TSHZ3: variants seen among roughly 807,000 people sequenced by gnomAD.
TSHZ3 encodes teashirt zinc finger homeobox 3.
Under a neutral mutation model 64.5 loss-of-function variants are expected in TSHZ3, and 10 were observed. The ratio of observed to expected loss-of-function variants is 0.16; its 90% CI spans 0.10 to 0.26. The LOEUF (loss-of-function observed/expected upper bound fraction) is 0.26. Among genes scored for constraint, TSHZ3 ranks in the 10% least tolerant of loss-of-function variants. TSHZ3 has a pLI of 1.00. For missense variants in TSHZ3, 1,242 were observed against 1,421.7 expected (o/e 0.87, Z 2.03); for synonymous variants, 608 against 593.1 (o/e 1.03, Z -0.36).
chr19:31,330,927 C>T (rs1295286298), intron 1 of TSHZ3, among the ~76,000 whole-genome samples: 1 of 152,102 alleles, frequency 6.6e-6, no homozygotes, highest in Admixed American at 6.5e-5. Flanking sequence ...CCCACAGGCA[C>T]GGGCATGTCC....
At chr19:31,155,704 C>T (rs991558243) in intron 6 of TSHZ3, among the ~76,000 whole-genome samples, 2 of 152,144 alleles carry the variant, frequency 1.3e-5, no homozygotes, top group Non-Finnish European at 2.9e-5. Context: ...CCCAAGTTCT[C>T]GCCTTCGTCT....
intron 5 of TSHZ3, among the ~76,000 whole-genome samples, chr19:31,183,204 C>A (rs960373441): frequency 1.3e-5 from 1 of 77,154 alleles, no homozygotes; most frequent in Non-Finnish European, 2.4e-5. Context: ...CTCTCTCTCT[C>A]TCTCTCTCTC....
At chr19:31,232,376 G>C (rs1347284844) in intron 3 of TSHZ3, among the ~76,000 whole-genome samples, 3 of 152,118 alleles carry the variant, frequency 2.0e-5, no homozygotes, top group Admixed American at 6.6e-5. Flanking sequence ...GAAAAGGGAG[G>C]GTGTGTGAGA....
intron 6 of TSHZ3, among the ~76,000 whole-genome samples, chr19:31,152,334 T>C (rs911562148): frequency 1.3e-5 from 2 of 152,034 alleles, no homozygotes; most frequent in Non-Finnish European, 2.9e-5. Flanking sequence ...GGTGCTTCTG[T>C]TTTTTGTCAG....
intron 5 of TSHZ3, among the ~76,000 whole-genome samples, chr19:31,183,223 TCTC>T (rs1974749982): frequency 4.9e-5 from 1 of 20,498 alleles, no homozygotes; most frequent in Non-Finnish European, 1.1e-4. Flanking sequence ...TCTCTCTCTC[TCTC>T]TTTCTCTCTC....
chr19:31,195,867 C>A (rs1599575238), intron 5 of TSHZ3, among the ~76,000 whole-genome samples: 1 of 152,020 alleles, frequency 6.6e-6, no homozygotes, highest in African/African-American at 2.4e-5. Context: ...TGTCTCTTAA[C>A]AATGAGGATA....
At chr19:31,206,426 C>G (rs1377416910) in intron 4 of TSHZ3, among the ~76,000 whole-genome samples, 1 of 152,076 alleles carries the variant, frequency 6.6e-6, no homozygotes, top group East Asian at 1.9e-4. Context: ...CAAGTACCAA[C>G]ATAGGCAAAA....
chr19:31,162,037 G>A (rs1031188692), intron 5 of TSHZ3, among the ~76,000 whole-genome samples: 2 of 152,212 alleles, frequency 1.3e-5, no homozygotes, highest in Admixed American at 6.5e-5. Flanking sequence ...TACCCGGTGA[G>A]TATTTTAGAG....
At chr19:31,194,739 C>CA (rs1974960326) in intron 5 of TSHZ3, among the ~76,000 whole-genome samples, 1 of 152,100 alleles carries the variant, frequency 6.6e-6, no homozygotes, top group African/African-American at 2.4e-5. Flanking sequence ...CAGCGAGTGT[C>CA]AAAAGGAGAC....
intron 3 of TSHZ3, among the ~76,000 whole-genome samples, chr19:31,229,970 A>G (rs2145174952): frequency 6.6e-6 from 1 of 152,308 alleles, no homozygotes. Context: ...AAGTGATACA[A>G]TTGTTCTAGA....
At chr19:31,271,135 C>A (rs1179722356), downstream of TSHZ3, among the ~76,000 whole-genome samples, 1 of 152,130 alleles carries the variant, frequency 6.6e-6, no homozygotes, top group Non-Finnish European at 1.5e-5. Flanking sequence ...GACTGTCAGG[C>A]CGCTAACCAA....
chr19:31,349,004 C>A, intron 1 of TSHZ3, 176 bp downstream of exon 1: 1 of 779,782 alleles, frequency 1.3e-6, no homozygotes, highest in Non-Finnish European at 1.9e-6. Context: ...GGCGGGGCGT[C>A]CGGGGGGCGC....
intron 1 of TSHZ3, among the ~76,000 whole-genome samples, chr19:31,347,079 G>A (rs1220822894): frequency 1.3e-5 from 2 of 151,934 alleles, no homozygotes; most frequent in East Asian, 3.9e-4. Flanking sequence ...CGTTTTGACG[G>A]GTCATTTTGA....
chr19:31,341,789 C>T (rs1242351613), intron 1 of TSHZ3, among the ~76,000 whole-genome samples: 3 of 152,170 alleles, frequency 2.0e-5, no homozygotes. Flanking sequence ...TTCCCTGGTT[C>T]CACGGCTACT....
chr19:31,272,589 A>G (rs1450318697), downstream of TSHZ3, among the ~76,000 whole-genome samples: 1 of 152,224 alleles, frequency 6.6e-6, no homozygotes, highest in Non-Finnish European at 1.5e-5. Context: ...AAACTTAAAG[A>G]TACATCACTG....
chr19:31,242,974 C>A (rs1975714748), intron 1 of TSHZ3, among the ~76,000 whole-genome samples: 1 of 152,140 alleles, frequency 6.6e-6, no homozygotes, highest in Non-Finnish European at 1.5e-5. Flanking sequence ...GAGGGTAGAT[C>A]TTCCCATCTC....
intron 1 of TSHZ3, among the ~76,000 whole-genome samples, chr19:31,323,372 T>C (rs1394777696): frequency 6.6e-6 from 1 of 152,264 alleles, no homozygotes; most frequent in Non-Finnish European, 1.5e-5. Flanking sequence ...AAGCAAATGC[T>C]ATGATCCAAT....
At chr19:31,338,673 G>A (rs1917329872) in intron 1 of TSHZ3, among the ~76,000 whole-genome samples, 1 of 143,216 alleles carries the variant, frequency 7.0e-6, no homozygotes, top group Non-Finnish European at 1.5e-5. Flanking sequence ...ATATTTTAAT[G>A]TTTTGTACGT....
chr19:31,279,485 G>A lies in TSHZ3; in HGVS notation c.308C>T (p.Thr103Met), dbSNP rs749005684. ...IKNEEETKEV[T>M]VPLEDTTVSD... Reference sequence around the variant, plus strand: ...CACAGTCGTGTCTTCCAGTGGGACCGTGACCTCCTTGGTCTCCTCTTCGTT... The same window carrying A: ...CACAGTCGTGTCTTCCAGTGGGACCATGACCTCCTTGGTCTCCTCTTCGTT... Residue 103 changes from threonine to methionine, a missense_variant, in exon 2 of 2, where the codon ACG becomes ATG. By Grantham distance (81) the Thr-to-Met change is moderately conservative. Around this residue, in one of 4 missense-constraint regions of TSHZ3, gnomAD observed 555 missense variants for 704.0 expected, o/e 0.79. Transcript: ENST00000240587. This position sits in a 1 kb window ranked among gnomAD's most constrained non-coding sequence, Gnocchi z 6.4. 26 of 1,614,004 alleles carry A rather than the reference G, an allele frequency of 1.6e-5. No homozygotes were observed. In the East Asian group the frequency reaches 1.8e-4, roughly 11 times the overall value.
Sources: allele counts gnomAD v4.1 joint callset (sites outside exome capture counted in the v4.1 genomes callset), GRCh38; gene constraint gnomAD v4.1.1; regional missense constraint gnomAD v4.1.1; non-coding constraint Gnocchi (gnomAD v3.1); transcripts MANE v1.5; gene names NCBI Gene and HGNC (gene_info 2026-07-23, HGNC 2026-07-21).